The following ABR variants were observed in gnomAD, a reference collection of about 807,000 sequenced individuals.
ABR encodes ABR activator of RhoGEF and GTPase.
In ABR, 35 loss-of-function variants were observed where a neutral mutation model predicts 107.2. The observed-to-expected ratio is 0.33, with a 90% CI of 0.25 to 0.43. The LOEUF is 0.43. ABR is among the 20% of genes least tolerant of loss of function. ABR has a pLI of 1.00. For synonymous variants in ABR, 498 were observed against 462.0 expected (o/e 1.08, Z -1.00); for missense variants, 815 against 1,115.2 (o/e 0.73, Z 3.83).
intron 10 of ABR, among the ~76,000 whole-genome samples, chr17:1,061,471 G>C (rs1449503289): frequency 6.6e-6 from 1 of 152,206 alleles, no homozygotes; most frequent in Admixed American, 6.5e-5. Flanking sequence ...TGTTCAAAGG[G>C]AGATGCTTGA....
At chr17:1,012,126 G>T in intron 18 of ABR, 141 bp from the exon 19 acceptor site, 1 of 1,404,424 alleles carries the variant, frequency 7.1e-7, no homozygotes, top group Non-Finnish European at 9.8e-7. Context: ...GCAGGGCAGA[G>T]AAAGAGGCCA....
chr17:1,042,003 G>C (rs990407611), intron 16 of ABR, among the ~76,000 whole-genome samples: 1 of 152,172 alleles, frequency 6.6e-6, no homozygotes, highest in Non-Finnish European at 1.5e-5. Context: ...TCATGCCCTA[G>C]GGTCACGGGT....
In ABR at chr17:1,091,835, T is replaced by G. The variant is rs1735814042; in HGVS notation, c.361A>C (p.Lys121Gln). The change falls in exon 4 of 23, where the codon AAG (lysine) becomes CAG (glutamine). Residue 121 changes from lysine to glutamine, a missense_variant. This residue lies in a region of ABR where 385 missense variants were observed against 596.9 expected (regional missense o/e 0.64). Coordinates refer to ENST00000302538, the MANE Select transcript of ABR (RefSeq NM_021962.5). Reference sequence around the variant, plus strand: ...GGCTGGGAGGTGGTGGCGGTGGCCTTCAGGGGTTTCATGGGCTGGGAGAAA... The same window carrying G: ...GGCTGGGAGGTGGTGGCGGTGGCCTGCAGGGGTTTCATGGGCTGGGAGAAA... ...EALLLPMKPL[K>Q]ATATTSQPVL... 6 of 1,612,964 alleles carry G rather than the reference T, an allele frequency of 3.7e-6. No individual in the cohort carries two copies. The highest frequency in any genetic ancestry group is 1.7e-5 in the Admixed American group (1 of 59,918).
chr17:1,177,268 G>T (rs761794130), intron 1 of ABR, among the ~76,000 whole-genome samples: 7 of 152,204 alleles, frequency 4.6e-5, no homozygotes, highest in Non-Finnish European at 7.4e-5. Context: ...AAACATGACT[G>T]CACAGCACCT....
intron 4 of ABR, 77 bp from the exon 5 acceptor site, chr17:1,083,704 G>T: frequency 1.7e-6 from 2 of 1,174,056 alleles, no homozygotes; most frequent in Non-Finnish European, 2.5e-6. Context: ...AAAGCTTCAC[G>T]GAGCACCGGG....
intron 2 of ABR, among the ~76,000 whole-genome samples, chr17:1,103,409 G>A (rs1363526552): frequency 6.6e-6 from 1 of 152,174 alleles, no homozygotes; most frequent in Non-Finnish European, 1.5e-5. Flanking sequence ...CATCCCCTGT[G>A]CTGGGGGCTA....
chr17:1,193,777 G>A (rs917421764), intron 1 of ABR, among the ~76,000 whole-genome samples: 7 of 152,078 alleles, frequency 4.6e-5, no homozygotes, highest in South Asian at 4.1e-4. Context: ...TGCATCCTCC[G>A]CCTCCCAGGT....
chr17:1,094,482 T>G (rs922279519), intron 3 of ABR, among the ~76,000 whole-genome samples: 2 of 151,914 alleles, frequency 1.3e-5, no homozygotes, highest in Non-Finnish European at 2.9e-5. Context: ...GCGATTCTCC[T>G]GCCTCAGCCT....
rs1486359797 is a variant in ABR at position 1,083,595 on chromosome 17, G to C, written c.564C>G (p.Val188=). 3 of 1,612,994 alleles carry C rather than the reference G, an allele frequency of 1.9e-6. No homozygotes were observed. The highest frequency in any genetic ancestry group is 2.5e-6 in the Non-Finnish European group (3 of 1,179,392). The change falls in exon 5 of 23, where the codon GTC becomes GTG. Residue 188 remains valine, a synonymous_variant. Transcript: ENST00000302538. The part of the protein sequence containing the change: ...ASQLGVYKAF[V]DNYKVALETA... Reference sequence around the variant, plus strand: ...TCTCCAGAGCGACTTTATAGTTATCGACAAACGCTTTGTACACACCGAGCT... The same window carrying C: ...TCTCCAGAGCGACTTTATAGTTATCCACAAACGCTTTGTACACACCGAGCT...
At chr17:1,060,678 T>A (rs1327694671) in intron 10 of ABR, among the ~76,000 whole-genome samples, 1 of 151,932 alleles carries the variant, frequency 6.6e-6, no homozygotes, top group Admixed American at 6.6e-5. Flanking sequence ...AGAAAAAACA[T>A]GAAAATTTAA....
At chr17:1,067,382 G>T in intron 9 of ABR, 140 bp from the exon 10 acceptor site, 1 of 852,478 alleles carries the variant, frequency 1.2e-6, no homozygotes, top group South Asian at 1.8e-5. Flanking sequence ...TGCTCCTGAG[G>T]AGCCTGATTG....
intron 1 of ABR, among the ~76,000 whole-genome samples, chr17:1,161,422 T>G (rs1040726760): frequency 6.6e-6 from 1 of 152,154 alleles, no homozygotes; most frequent in African/African-American, 2.4e-5. Context: ...TTTAAAATTT[T>G]TTTTGTAGAG....
At chr17:1,217,682 C>T (rs563913114) in intron 1 of ABR, among the ~76,000 whole-genome samples, 5 of 152,196 alleles carry the variant, frequency 3.3e-5, no homozygotes, top group Admixed American at 1.3e-4. Flanking sequence ...TCCTAGACAG[C>T]GTGCTCTTAT....
intron 9 of ABR, among the ~76,000 whole-genome samples, chr17:1,067,810 G>A (rs2034878205): frequency 6.6e-6 from 1 of 152,206 alleles, no homozygotes; most frequent in Admixed American, 6.5e-5. Flanking sequence ...GATTAGTAAT[G>A]TCTGCCATCG....
At chr17:1,031,532 C>CG in intron 16 of ABR, 1 of 311,824 alleles carries the variant, frequency 3.2e-6, no homozygotes, top group Non-Finnish European at 5.1e-6. Context: ...GCAGCCCCCG[C>CG]AGCCCCCCGA....
chr17:1,076,522 A>G (rs1488229505), intron 6 of ABR, among the ~76,000 whole-genome samples: 2 of 152,028 alleles, frequency 1.3e-5, no homozygotes, highest in Non-Finnish European at 2.9e-5. Context: ...GAAAGCTGAC[A>G]CTGCATTATC....
At chr17:1,043,936 A>G (rs115204612) in intron 16 of ABR, among the ~76,000 whole-genome samples, 3,487 of 152,270 alleles carry the variant, frequency 0.023, 149 homozygotes, top group African/African-American at 0.077. Context: ...AGGGCCCCTC[A>G]GGTTTAAGTA....
chr17:1,211,803 G>A (rs1019582056), intron 1 of ABR, among the ~76,000 whole-genome samples: 32 of 152,154 alleles, frequency 2.1e-4, no homozygotes, highest in African/African-American at 6.3e-4. Flanking sequence ...TAACAAGGCC[G>A]GCCACGGTGG....
rs2040879958 is a variant in ABR at position 1,153,371 on chromosome 17, TGCGGG to T, written c.61+26291_61+26295del. 1.3e-4 allele frequency among the ~76,000 whole-genome samples: 19 copies of T among 148,590 alleles called. No individual in the cohort carries two copies. The East Asian group carries it at 3.0e-3, about 23-fold the overall frequency. On this transcript the variant is annotated intron_variant, in intron 1 of 22. Transcript: ENST00000302538. ...CATGCCCCCCAGCAGATGGCACACC[TGCGGG>T]AGGGCTGGGGATCCAGGCACACCTG...
Sources: gnomAD v4.1 joint callset for allele counts (sites outside exome capture counted in the v4.1 genomes callset) on GRCh38, gnomAD v4.1.1 for gene constraint, gnomAD v4.1.1 regional missense constraint, MANE v1.5 for transcripts, NCBI Gene and HGNC (gene_info 2026-07-23, HGNC 2026-07-21) for gene names.